Variants in SNAP91 observed in about 807,000 individuals in gnomAD.
SNAP91 encodes synaptosome associated protein 91, also known as clathrin coat assembly protein AP180.
A neutral mutation model predicts 100.3 loss-of-function variants in SNAP91; 27 were observed. That is an observed-to-expected ratio of 0.27 (90% CI 0.20 to 0.37). The LOEUF (loss-of-function observed/expected upper bound fraction) is 0.37, where lower values mean the gene tolerates loss of function less well. Ranked by LOEUF, SNAP91 falls within the 10% of genes least tolerant of loss-of-function variation. SNAP91 has a pLI of 1.00. For synonymous variants in SNAP91, 404 were observed against 398.6 expected (o/e 1.01, Z -0.16); for missense variants, 986 against 1,123.7 (o/e 0.88, Z 1.75).
chr6:83,620,126 C>T (rs925169987), intron 9 of SNAP91, among the ~76,000 whole-genome samples: 1 of 152,134 alleles, frequency 6.6e-6, no homozygotes, highest in South Asian at 2.1e-4. Context: ...GTTTAATGTA[C>T]AGTCTCTAAC....
At chr6:83,598,825 A>G (rs187657544) in intron 16 of SNAP91, among the ~76,000 whole-genome samples, 352 of 152,296 alleles carry the variant, frequency 2.3e-3, no homozygotes, top group Non-Finnish European at 3.7e-3. Context: ...ATTACAGAAA[A>G]TCACTGAAAA....
At position 83,689,859 on chromosome 6, in the gene SNAP91, C is replaced by T. The variant is rs191677166; in HGVS notation, c.130+17939G>A. ...TTGCATTCCTTTCTTTTCTATCTTA[C>T]ACATTCTATTTTGACATTTAACTCT... On this transcript the variant is annotated intron_variant, in intron 2 of 29. Transcript: ENST00000369694. 2.6e-5 allele frequency among the ~76,000 whole-genome samples: 4 copies of T among 152,128 alleles called. No homozygotes were observed. In the East Asian group the frequency reaches 7.7e-4, roughly 29 times the overall value.
rs372741099 is a variant in SNAP91, at chr6:83,593,543, G to T, written c.1631C>A (p.Thr544Asn). 218 of 1,553,426 alleles carry T rather than the reference G, an allele frequency of 1.4e-4. No homozygotes were observed. Among genetic ancestry groups the T allele is most frequent in the Non-Finnish European group, 1.8e-4 (203 of 1,147,850 alleles). Reference sequence around the variant, plus strand: ...GGCAGCGGAGGTGGTGGTAGTGGTGGTGGCAGCGGCGGTGGCAGCAGTAGT... The same window carrying T: ...GGCAGCGGAGGTGGTGGTAGTGGTGTTGGCAGCGGCGGTGGCAGCAGTAGT... Reference protein sequence around the residue: ...AATTAATAAATTTTTTSAATA... With the variant: ...AATTAATAAANTTTTTSAATA... The change falls in exon 18 of 30, where the codon ACC becomes AAC. Residue 544 changes from threonine to asparagine, a missense_variant. Coordinates refer to ENST00000369694, the MANE Select transcript of SNAP91 (RefSeq NM_001242792.2).
At chr6:83,667,685 G>A (rs181357464) in intron 2 of SNAP91, among the ~76,000 whole-genome samples, 6 of 151,824 alleles carry the variant, frequency 4.0e-5, no homozygotes, top group South Asian at 2.1e-4. Context: ...TGTGTACAAC[G>A]TGCAGGTTTG....
intron 26 of SNAP91, among the ~76,000 whole-genome samples, chr6:83,567,446 G>A (rs1798368394): frequency 1.3e-5 from 2 of 152,104 alleles, no homozygotes; most frequent in Admixed American, 6.5e-5. Flanking sequence ...CATGGGCAAG[G>A]ACTTCATGTC....
chr6:83,656,444 C>A (rs547291591), intron 7 of SNAP91, among the ~76,000 whole-genome samples: 1 of 152,286 alleles, frequency 6.6e-6, no homozygotes, highest in East Asian at 1.9e-4. Flanking sequence ...CAACACTGAG[C>A]TTTCATCATA....
intron 8 of SNAP91, among the ~76,000 whole-genome samples, chr6:83,629,377 TG>T (rs1336522879): frequency 2.4e-4 from 36 of 152,248 alleles, no homozygotes; most frequent in African/African-American, 8.7e-4. Flanking sequence ...ATTTTAGAAT[TG>T]TTTTTTTCTA....
chr6:83,581,292 T>C (rs1828049740), intron 23 of SNAP91, among the ~76,000 whole-genome samples: 1 of 152,174 alleles, frequency 6.6e-6, no homozygotes, highest in Non-Finnish European at 1.5e-5. Flanking sequence ...TTGATTTTTT[T>C]CTCACTCATT....
chr6:83,599,193 AC>A (rs2094867182), intron 16 of SNAP91, among the ~76,000 whole-genome samples: 1 of 152,202 alleles, frequency 6.6e-6, no homozygotes, highest in South Asian at 2.1e-4. Context: ...ACAAACAAAA[AC>A]AGCATAATGG....
intron 2 of SNAP91, among the ~76,000 whole-genome samples, chr6:83,687,671 T>G (rs934729649): frequency 6.6e-5 from 10 of 152,276 alleles, no homozygotes; most frequent in Admixed American, 5.9e-4. Flanking sequence ...CTCCAACTAC[T>G]GTGTTAAGAG....
intron 9 of SNAP91, among the ~76,000 whole-genome samples, chr6:83,621,191 T>G (rs2096713742): frequency 6.6e-6 from 1 of 152,128 alleles, no homozygotes; most frequent in African/African-American, 2.4e-5. Context: ...TAGCTCCCAC[T>G]TATAAGTGAG....
At chr6:83,674,759 G>A (rs2098837174) in intron 2 of SNAP91, among the ~76,000 whole-genome samples, 2 of 152,096 alleles carry the variant, frequency 1.3e-5, no homozygotes, top group Admixed American at 6.6e-5. Context: ...AAGGAGAAAG[G>A]GGCTATCTTT....
At chr6:83,575,979 A>T (rs934149956) in intron 25 of SNAP91, 44 bp downstream of exon 25, 2 of 1,141,508 alleles carry the variant, frequency 1.8e-6, no homozygotes, top group Non-Finnish European at 2.5e-6. Flanking sequence ...AAATGAATAC[A>T]AATATACCAT....
In SNAP91 at chr6:83,707,902, C is replaced by T; in HGVS notation, c.26G>A (p.Arg9Gln). 6.3e-7 allele frequency: 1 copy of T among 1,592,668 alleles called. No individual in the cohort carries two copies. Among genetic ancestry groups the T allele is most frequent in the Non-Finnish European group, 8.5e-7 (1 of 1,172,910 alleles). Residue 9 changes from arginine to glutamine, a missense_variant, in exon 2 of 30, where the codon CGG (arginine) becomes CAG (glutamine). Coordinates refer to ENST00000369694, the MANE Select transcript of SNAP91 (RefSeq NM_001242792.2). The part of the protein sequence containing the change: MSGQTLTD[R>Q]IAAAQYSVTG... ...AACGCTGTACTGAGCGGCGGCGATC[C>T]GATCCGTGAGCGTTTGGCCCGACAT...
At chr6:83,588,320 T>C (rs1445336762) in intron 22 of SNAP91, among the ~76,000 whole-genome samples, 1 of 152,192 alleles carries the variant, frequency 6.6e-6, no homozygotes, top group Admixed American at 6.5e-5. Context: ...GTACACAATA[T>C]ATAACTTTGC....
intron 2 of SNAP91, among the ~76,000 whole-genome samples, chr6:83,666,792 C>T (rs2098694758): frequency 6.6e-6 from 1 of 151,958 alleles, no homozygotes; most frequent in African/African-American, 2.4e-5. Flanking sequence ...TCAATATTTT[C>T]CTTTATTGGA....
rs776584741 is a variant in SNAP91, at chr6:83,665,425, TTTAC to T, written c.273+10_273+13del. On this transcript the variant is annotated intron_variant, in intron 3 of 29. Coordinates refer to ENST00000369694, the MANE Select transcript of SNAP91 (RefSeq NM_001242792.2). ...CCTTCCTCCATCAAAAAAAGAAAAGTTTACTTAGTTTACCTCATTTCCATGCACC... is the reference window on the plus strand; with the variant it reads ...CCTTCCTCCATCAAAAAAAGAAAAGTTTAGTTTACCTCATTTCCATGCACC... 5.6e-6 allele frequency: 9 copies of T among 1,605,712 alleles called. No individual in the cohort carries two copies. Among genetic ancestry groups the T allele is most frequent in the African/African-American group, 1.3e-5 (1 of 74,406 alleles).
intron 8 of SNAP91, among the ~76,000 whole-genome samples, chr6:83,628,901 C>A (rs899019826): frequency 7.2e-5 from 11 of 151,980 alleles, no homozygotes; most frequent in Non-Finnish European, 1.5e-4. Flanking sequence ...GTTTTTATTG[C>A]GTTTGCTTTT....
intron 5 of SNAP91, among the ~76,000 whole-genome samples, chr6:83,659,984 T>C (rs1562546925): frequency 6.6e-6 from 1 of 152,232 alleles, no homozygotes; most frequent in Non-Finnish European, 1.5e-5. Context: ...CCTTCAGGTC[T>C]CTTAGGAAGC....
Sources: gnomAD v4.1 joint callset for allele counts (sites outside exome capture counted in the v4.1 genomes callset) on GRCh38, gnomAD v4.1.1 for gene constraint, MANE v1.5 for transcripts, NCBI Gene and HGNC (gene_info 2026-07-23, HGNC 2026-07-21) for gene names.